The following KAT7 variants were observed in gnomAD, a reference collection of about 807,000 sequenced individuals.
KAT7 encodes lysine acetyltransferase 7, also known as histone acetyltransferase KAT7.
KAT7 carries 10 observed loss-of-function variants against 82.1 expected under a neutral mutation model. That is an observed-to-expected ratio of 0.12 (90% CI 0.08 to 0.21). The LOEUF is 0.21. Ranked by LOEUF, KAT7 falls within the 10% of genes least tolerant of loss-of-function variation. The pLI, the probability that KAT7 is intolerant of heterozygous loss-of-function variation, is 1.00. For missense variants in KAT7, 378 were observed against 760.9 expected (o/e 0.50, Z 5.92); for synonymous variants, 250 against 262.5 (o/e 0.95, Z 0.46).
At chr17:49,815,777 G>A (rs778321388) in intron 7 of KAT7, 26 bp from the exon 8 acceptor site, 2 of 1,312,668 alleles carry the variant, frequency 1.5e-6, no homozygotes, top group Non-Finnish European at 2.2e-6. Context: ...GAGTATCAGA[G>A]TATCACGCTC....
In KAT7 at chr17:49,797,912, C is replaced by CTT. The variant is rs139962950; in HGVS notation, c.341-406_341-405insTT. Among the ~76,000 whole-genome samples, 7 of 152,314 alleles carry CTT rather than the reference C, an allele frequency of 4.6e-5. No individual in the cohort carries two copies. The East Asian group carries it at 1.4e-3, about 29-fold the overall frequency. ...ACTACAAACAGGCTCACTCAAGACT[C>CTT]TAAGTCCATTCACATCTTACACCAA... On this transcript the variant is annotated intron_variant, in intron 3 of 14. Transcript: ENST00000259021.
intron 2 of KAT7, among the ~76,000 whole-genome samples, chr17:49,794,830 C>G (rs2073934831): frequency 6.6e-6 from 1 of 152,152 alleles, no homozygotes; most frequent in South Asian, 2.1e-4. Context: ...CCAGGGGTAC[C>G]ATTTACAATG....
chr17:49,807,137 A>C (rs2074101322), intron 5 of KAT7, among the ~76,000 whole-genome samples: 1 of 152,250 alleles, frequency 6.6e-6, no homozygotes, highest in Non-Finnish European at 1.5e-5. Flanking sequence ...CAGTGAATAA[A>C]AGACTGCATT....
chr17:49,811,814 T>A (rs573789580), intron 7 of KAT7, among the ~76,000 whole-genome samples: 3 of 152,310 alleles, frequency 2.0e-5, no homozygotes, highest in African/African-American at 7.2e-5. Flanking sequence ...AAAAATTTGA[T>A]CCTCTAGTTG....
chr17:49,798,352 C>T lies in KAT7; in HGVS notation c.374C>T (p.Pro125Leu), dbSNP rs752021510. 4.3e-6 allele frequency: 7 copies of T among 1,614,070 alleles called. No homozygotes were observed. Among genetic ancestry groups the T allele is most frequent in the South Asian group, 1.1e-5 (1 of 91,084 alleles). ...AATACAGCTGATCATGATGAGTCAC[C>T]GCCTCGAACTCCAACTGGAAATGCG... ...TKNTADHDESPPRTPTGNAPS... is the reference protein window; with the variant it reads ...TKNTADHDESLPRTPTGNAPS... Residue 125 changes from proline to leucine, a missense_variant, in exon 4 of 15, where the codon CCG becomes CTG. This residue lies in a region of KAT7 where 161 missense variants were observed against 229.6 expected (regional missense o/e 0.70). Transcript: ENST00000259021.
At chr17:49,815,608 C>G (rs1383648490) in intron 7 of KAT7, 195 bp from the exon 8 acceptor site, 1 of 437,022 alleles carries the variant, frequency 2.3e-6, no homozygotes, top group African/African-American at 2.0e-5. Context: ...TCCAGAATCA[C>G]TGGGGTGGGT....
chr17:49,817,421 A>AT (rs1180666497), intron 8 of KAT7, among the ~76,000 whole-genome samples: 3 of 152,038 alleles, frequency 2.0e-5, no homozygotes, highest in African/African-American at 7.2e-5. Context: ...AATCTGTCTG[A>AT]TTTTTTTCAT....
At chr17:49,820,315 T>C (rs989268079) in intron 9 of KAT7, among the ~76,000 whole-genome samples, 10 of 150,874 alleles carry the variant, frequency 6.6e-5, no homozygotes, top group Admixed American at 5.3e-4. Context: ...TGAGACAGAG[T>C]CTCGCTCTGT....
Position 49,831,357 on chromosome 17 carries a change from C to G in KAT7, c.*3855C>G, listed in dbSNP as rs371674568. 73 of 152,324 alleles carry G rather than the reference C, an allele frequency of 4.8e-4. No individual in the cohort carries two copies. The highest frequency in any genetic ancestry group is 1.7e-3 in the African/African-American group (71 of 41,562). The allele number at this position is 152,324 out of a possible 1,614,324, so 9.4% of individuals were successfully genotyped here. A position where few individuals can be genotyped will look rare whatever the true frequency, so the allele number is the denominator to read the frequency against. On this transcript the variant is annotated 3_prime_UTR_variant, in exon 15 of 15. Transcript: ENST00000259021. ...GGGGCTACAGAGCTAAACCAGGAAG[C>G]AAAAGATGTGCCTCATTCTGGCATT...
intron 1 of KAT7, 52 bp from the exon 2 acceptor site, chr17:49,791,834 A>T: frequency 6.4e-7 from 1 of 1,570,832 alleles, no homozygotes; most frequent in Non-Finnish European, 8.7e-7. Context: ...TGTTAATGCA[A>T]ACTCTCAGAC....
At chr17:49,802,689 A>G (rs2074039692) in intron 4 of KAT7, among the ~76,000 whole-genome samples, 1 of 151,662 alleles carries the variant, frequency 6.6e-6, no homozygotes, top group Admixed American at 6.6e-5. Context: ...AAAAAGACGT[A>G]TGGATACATA....
intron 7 of KAT7, among the ~76,000 whole-genome samples, chr17:49,813,431 T>C (rs2074195000): frequency 6.6e-6 from 1 of 152,234 alleles, no homozygotes; most frequent in Non-Finnish European, 1.5e-5. Context: ...AATGTTTTCT[T>C]ATTCAGCCAT....
chr17:49,834,709 C>T lies in KAT7; in HGVS notation c.*7207C>T, dbSNP rs2144024816. ...GTTCCATTAAATACCAAAGTATAGG[C>T]AAAAAGTTCTGTGGTCAAATAAATT... is the stretch of plus-strand genomic sequence containing the variant. On this transcript the variant is annotated 3_prime_UTR_variant, in exon 15 of 15. Transcript: ENST00000259021. 1 of 152,244 alleles carries T rather than the reference C, an allele frequency of 6.6e-6. No individual in the cohort carries two copies. The highest frequency in any genetic ancestry group is 2.4e-5 in the African/African-American group (1 of 41,536). 9.4% of individuals were successfully genotyped at this position (152,244 alleles called of 1,614,324 possible).
In KAT7 at chr17:49,821,620, C is replaced by CAA. The variant is rs1327133974; in HGVS notation, c.1246-29_1246-28insAA. 3.7e-6 allele frequency: 6 copies of CAA among 1,611,712 alleles called. No individual in the cohort carries two copies. In the African/African-American group the frequency reaches 8.0e-5, roughly 22 times the overall value. On this transcript the variant is annotated intron_variant, in intron 10 of 14. Coordinates refer to ENST00000259021, the MANE Select transcript of KAT7 (RefSeq NM_007067.5). ...TTTATCTGTTTAGGAATCAGTGGCC[C>CAA]ACACATGAACTCTGTTTCTCTGCTT...
intron 12 of KAT7, chr17:49,824,735 G>A (rs529187179): frequency 2.0e-5 from 3 of 152,104 alleles, no homozygotes; most frequent in Non-Finnish European, 4.4e-5. Context: ...ATATATCTTT[G>A]AATAGGTAAC....
chr17:49,791,736 AG>A, intron 1 of KAT7, 149 bp from the exon 2 acceptor site: 2 of 696,808 alleles, frequency 2.9e-6, no homozygotes, highest in Non-Finnish European at 4.9e-6. Flanking sequence ...AAGTTGCCTG[AG>A]GGGGTGGGAG....
chr17:49,805,346 T>G lies in KAT7; in HGVS notation c.581-17T>G. 2.6e-6 allele frequency: 4 copies of G among 1,559,722 alleles called. No homozygotes were observed. Among genetic ancestry groups the G allele is most frequent in the Non-Finnish European group, 3.5e-6 (4 of 1,131,962 alleles). On this transcript the variant is annotated splice_polypyrimidine_tract_variant and intron_variant, in intron 4 of 14. Transcript: ENST00000259021. ...CTTGTCTTCTTTCTTGAGATTAAGTTTTCCCTCCTTTAACAGGACACCTTA... is the reference window on the plus strand; with the variant it reads ...CTTGTCTTCTTTCTTGAGATTAAGTGTTCCCTCCTTTAACAGGACACCTTA...
At chr17:49,824,328 T>C (rs1445162009) in intron 12 of KAT7, among the ~76,000 whole-genome samples, 1 of 152,194 alleles carries the variant, frequency 6.6e-6, no homozygotes, top group Non-Finnish European at 1.5e-5. Context: ...AAAATTGGAA[T>C]TCCTAGAATT....
At chr17:49,808,582 C>T (rs758581444) in intron 5 of KAT7, among the ~76,000 whole-genome samples, 14 of 151,576 alleles carry the variant, frequency 9.2e-5, no homozygotes, top group Admixed American at 7.2e-4. Context: ...TCCCGAGTAG[C>T]GGGGATCACA....
Sources: allele counts gnomAD v4.1 joint callset (sites outside exome capture counted in the v4.1 genomes callset), GRCh38; gene constraint gnomAD v4.1.1; regional missense constraint gnomAD v4.1.1; transcripts MANE v1.5; gene names NCBI Gene and HGNC (gene_info 2026-07-23, HGNC 2026-07-21).